BPIFB1: variants seen among roughly 807,000 people sequenced by gnomAD.
The protein encoded by BPIFB1 is BPI fold-containing family B member 1.
A neutral mutation model predicts 55.1 loss-of-function variants in BPIFB1; 34 were observed. That is an observed-to-expected ratio of 0.62 (90% CI 0.47 to 0.82). BPIFB1 has a LOEUF of 0.82. Ranked by LOEUF, BPIFB1 falls within the 40% of genes least tolerant of loss-of-function variation. The pLI, the probability that BPIFB1 is intolerant of heterozygous loss-of-function variation, is 0.00. For missense variants in BPIFB1, 532 were observed against 593.1 expected, an observed-to-expected ratio of 0.90 and a Z score of 1.07; for synonymous variants, 236 against 245.3, an observed-to-expected ratio of 0.96 and a Z score of 0.35.
intron 11 of BPIFB1, 75 bp from the exon 12 acceptor site, chr20:33,303,883 G>A: frequency 6.8e-7 from 1 of 1,462,084 alleles, no homozygotes; most frequent in South Asian, 1.2e-5. Context: ...AGACCCCAGA[G>A]CCTCCCTGCA....
At chr20:33,304,571 A>T (rs1980958835) in intron 12 of BPIFB1, among the ~76,000 whole-genome samples, 1 of 152,094 alleles carries the variant, frequency 6.6e-6, no homozygotes, top group Admixed American at 6.5e-5. Flanking sequence ...GCGCCCTTTG[A>T]AGGAGCTTGG....
intron 2 of BPIFB1, among the ~76,000 whole-genome samples, chr20:33,287,461 G>A (rs189000186): frequency 2.6e-5 from 4 of 152,354 alleles, no homozygotes; most frequent in East Asian, 3.9e-4. Flanking sequence ...CAGGGGATTG[G>A]AAGAATGAGG....
Position 33,309,502 on chromosome 20 carries a change from A to C in BPIFB1, c.1396-206A>C, listed in dbSNP as rs941763613. Among the ~76,000 whole-genome samples, 2 of 152,144 alleles carry C rather than the reference A, an allele frequency of 1.3e-5. No homozygotes were observed. The highest frequency in any genetic ancestry group is 2.4e-5 in the African/African-American group (1 of 41,424). On this transcript the variant is annotated intron_variant, in intron 15 of 15. Transcript: ENST00000253354. The surrounding 1 kb of genome is among the most constrained non-coding windows in gnomAD (Gnocchi z 4.4). ...TCAAGTCTCAGTGTCCCCATCTGCA[A>C]AATGGAGATGACATCAGGACCTGGT...
chr20:33,297,756 A>T (rs1980703620), intron 7 of BPIFB1, 168 bp downstream of exon 7: 1 of 701,856 alleles, frequency 1.4e-6, no homozygotes. Flanking sequence ...CGCAGACAGA[A>T]ATTCGCCACG....
intron 5 of BPIFB1, 99 bp from the exon 6 acceptor site, chr20:33,291,808 C>T: frequency 8.9e-7 from 1 of 1,128,224 alleles, no homozygotes; most frequent in Admixed American, 1.9e-5. Flanking sequence ...TGGGCAGGTT[C>T]CTTCCTCCCT....
At chr20:33,307,205 C>T in intron 15 of BPIFB1, 1 of 531,088 alleles carries the variant, frequency 1.9e-6, no homozygotes, top group Non-Finnish European at 3.4e-6. Flanking sequence ...TTTTTCCACC[C>T]CCTTGTCATT....
rs773354752 is a variant in BPIFB1, at chr20:33,297,490, C to G, written c.598-35C>G. On this transcript the variant is annotated intron_variant, in intron 6 of 15. Coordinates refer to ENST00000253354, the MANE Select transcript of BPIFB1 (RefSeq NM_033197.3). ...CTGCTGTGGGGCTGCATTCTGGCCC[C>G]TCCCTGATGGAGCCCCTTGCTTATG... 4 of 1,612,824 alleles carry G rather than the reference C, an allele frequency of 2.5e-6. No homozygotes were observed. The African/African-American group carries it at 5.3e-5, about 22-fold the overall frequency.
rs1981054255 is a variant in BPIFB1 at position 33,307,050 on chromosome 20, T to G, written c.1395+63T>G. 5 of 1,489,692 alleles carry G rather than the reference T, an allele frequency of 3.4e-6. No individual in the cohort carries two copies. In the East Asian group the frequency reaches 9.0e-5, roughly 27 times the overall value. The allele number at this position is 1,489,692 out of a possible 1,614,324, so 92.3% of individuals were successfully genotyped here. ...GGGCACAGCCACTGAGAGCCCTGGCTGGGAGGTGGGGCCTGCACTCCAACC... is the reference window on the plus strand; with the variant it reads ...GGGCACAGCCACTGAGAGCCCTGGCGGGGAGGTGGGGCCTGCACTCCAACC... On this transcript the variant is annotated intron_variant, in intron 15 of 15. Transcript: ENST00000253354.
At position 33,306,943 on chromosome 20, in the gene BPIFB1, G is replaced by A. The variant is rs1226538033; in HGVS notation, c.1351G>A (p.Val451Met). The A allele has an allele frequency of 4.1e-5, 66 of 1,614,124 alleles. No individual in the cohort carries two copies. Among genetic ancestry groups the A allele is most frequent in the Non-Finnish European group, 5.5e-5 (65 of 1,180,030 alleles). ...AAGATCTGGGGTCCCAGTGTCATTG[G>A]TGAAGGCCTTGGGATTCGAGGCAGC... ...KLRSGVPVSL[V>M]KALGFEAAES... The change falls in exon 15 of 16, where the codon GTG becomes ATG. Residue 451 changes from valine (V) to methionine (M), a missense_variant. By Grantham distance (21) the Val-to-Met change is conservative (BLOSUM62 1). Coordinates refer to ENST00000253354, the MANE Select transcript of BPIFB1 (RefSeq NM_033197.3).
chr20:33,304,013 T>C lies in BPIFB1; in HGVS notation c.1196T>C (p.Leu399Ser). The C allele has an allele frequency of 6.2e-7, 1 of 1,612,940 alleles. No homozygotes were observed. The highest frequency in any genetic ancestry group is 8.5e-7 in the Non-Finnish European group (1 of 1,179,672). ...YTKGDQLILN[L>S]NNISSDRIQL... is the part of the protein sequence containing the mutation. ...AAAGGTGACCAACTTATACTCAACT[T>C]GAATAACATCAGGTAAACACACAAA... The change falls in exon 12 of 16, where the codon TTG becomes TCG. Residue 399 changes from leucine to serine, a missense_variant. Coordinates refer to ENST00000253354, the MANE Select transcript of BPIFB1 (RefSeq NM_033197.3).
intron 4 of BPIFB1, among the ~76,000 whole-genome samples, chr20:33,290,382 G>A (rs1316742803): frequency 1.3e-5 from 2 of 152,212 alleles, no homozygotes; most frequent in African/African-American, 2.4e-5. Context: ...GGTAAGAGTG[G>A]AGACAGGAAG....
At chr20:33,296,132 G>A (rs1448507820) in intron 6 of BPIFB1, among the ~76,000 whole-genome samples, 1 of 152,208 alleles carries the variant, frequency 6.6e-6, no homozygotes, top group Admixed American at 6.5e-5. Context: ...GAAGTAACTG[G>A]TCTGGGTGGG....
intron 5 of BPIFB1, among the ~76,000 whole-genome samples, chr20:33,291,623 C>T (rs1285497800): frequency 1.3e-5 from 2 of 152,206 alleles, no homozygotes; most frequent in African/African-American, 2.4e-5. Flanking sequence ...ACATGGCGCC[C>T]CCCCTTCCCT....
chr20:33,303,448 G>C (rs1980919691), intron 11 of BPIFB1, among the ~76,000 whole-genome samples: 1 of 152,146 alleles, frequency 6.6e-6, no homozygotes, highest in Admixed American at 6.5e-5. Context: ...TTCATCCTCA[G>C]GCAAGCTATT....
chr20:33,299,348 G>A (rs113965652), intron 7 of BPIFB1: 3 of 334,314 alleles, frequency 9.0e-6, no homozygotes, highest in Admixed American at 6.9e-5. Context: ...CGAGATCTTT[G>A]GGGGGAGCAG....
intron 6 of BPIFB1, among the ~76,000 whole-genome samples, chr20:33,296,390 C>T (rs779601285): frequency 1.1e-4 from 17 of 152,322 alleles, no homozygotes; most frequent in Non-Finnish European, 2.1e-4. Context: ...TTCTCAAAGG[C>T]ATTGTCATTC....
In BPIFB1 at chr20:33,299,968, T is replaced by C; in HGVS notation, c.731T>C (p.Ile244Thr). 6.2e-7 allele frequency: 1 copy of C among 1,613,978 alleles called. No individual in the cohort carries two copies. The highest frequency in any genetic ancestry group is 8.5e-7 in the Non-Finnish European group (1 of 1,179,880). The change falls in exon 8 of 16, where the codon ATT becomes ACT. Residue 244 changes from isoleucine (I) to threonine (T), a missense_variant. Transcript: ENST00000253354. ...LLYPAIKGDT[I>T]QLYLGAKLLD... Reference sequence around the variant, plus strand: ...TATCCTGCCATCAAGGGTGACACCATTCAGCTCTACCTGGGGGTGAGTGTC... The same window carrying C: ...TATCCTGCCATCAAGGGTGACACCACTCAGCTCTACCTGGGGGTGAGTGTC...
intron 12 of BPIFB1, 90 bp from the exon 13 acceptor site, chr20:33,304,756 T>A (rs1387138361): frequency 1.5e-5 from 22 of 1,489,850 alleles, no homozygotes; most frequent in Non-Finnish European, 1.9e-5. Flanking sequence ...GCCTGGCACA[T>A]AATAGGTGCT....
chr20:33,301,525 A>G, intron 9 of BPIFB1, 113 bp downstream of exon 9: 2 of 956,126 alleles, frequency 2.1e-6, no homozygotes, highest in Non-Finnish European at 3.1e-6. Context: ...TTTAATGGAG[A>G]TCTCACTCCC....
Sources: gnomAD v4.1 joint callset for allele counts (sites outside exome capture counted in the v4.1 genomes callset) on GRCh38, gnomAD v4.1.1 for gene constraint, Gnocchi (gnomAD v3.1) non-coding constraint, MANE v1.5 for transcripts, NCBI Gene and HGNC (gene_info 2026-07-23, HGNC 2026-07-21) for gene names.